GIGYF2: variants seen among roughly 807,000 people sequenced by gnomAD.
GIGYF2 encodes GRB10-interacting GYF protein 2.
In GIGYF2, 25 loss-of-function variants were observed where a neutral mutation model predicts 208.1. That is an observed-to-expected ratio of 0.12 (90% CI 0.09 to 0.17). The LOEUF is 0.17. Ranked by LOEUF, GIGYF2 falls within the 10% of genes least tolerant of loss-of-function variation. The pLI is 1.00. For missense variants in GIGYF2, 1,302 were observed against 1,579.4 expected (o/e 0.82, Z 2.98); for synonymous variants, 534 against 543.8 (o/e 0.98, Z 0.25).
At chr2:232,699,516 T>A (rs2106236880) in intron 1 of GIGYF2, among the ~76,000 whole-genome samples, 1 of 152,296 alleles carries the variant, frequency 6.6e-6, no homozygotes, top group South Asian at 2.1e-4. Flanking sequence ...ATCCGCTAAT[T>A]TGGAAAAATT....
chr2:232,723,076 C>A (rs1035126874), intron 2 of GIGYF2, among the ~76,000 whole-genome samples: 28 of 152,152 alleles, frequency 1.8e-4, no homozygotes, highest in Non-Finnish European at 1.2e-4. Context: ...CCTACCTCAG[C>A]GTCAGTGCTG....
intron 28 of GIGYF2, among the ~76,000 whole-genome samples, chr2:232,855,938 GT>G (rs11313175): frequency 0.66 from 98,401 of 148,748 alleles, 32,631 homozygotes; most frequent in Admixed American, 0.7. Flanking sequence ...TTTTTGTTTT[GT>G]TTTTTTTTTG....
chr2:232,791,038 C>G lies in GIGYF2; in HGVS notation c.961C>G (p.Gln321Glu), dbSNP rs1261337176. ...ACAGAAAGAGCCTATTCCAGAAGAGCAGGAGATGGACTTCCGGCCTGTGGA... is the reference window on the plus strand; with the variant it reads ...ACAGAAAGAGCCTATTCCAGAAGAGGAGGAGATGGACTTCCGGCCTGTGGA... ...KVQKEPIPEEQEMDFRPVDEG... is the reference protein window; with the variant it reads ...KVQKEPIPEEEEMDFRPVDEG... Residue 321 changes from glutamine (Q) to glutamate (E), a missense_variant, in exon 11 of 29, where the codon CAG becomes GAG. Gln to Glu is a conservative substitution (Grantham distance 29). Transcript: ENST00000373563. 1 of 1,613,872 alleles carries G rather than the reference C, an allele frequency of 6.2e-7. No homozygotes were observed. The highest frequency in any genetic ancestry group is 1.7e-5 in the Admixed American group (1 of 59,986).
Position 232,838,821 on chromosome 2 carries a change from C to G in GIGYF2, c.2767-1028C>G, listed in dbSNP as rs1419036290. Reference sequence around the variant, plus strand: ...TTAACTTCCCTCTGCACCCCTCCCCCACCCCAGGGCAGGTGCATTTTGAGA... The same window carrying G: ...TTAACTTCCCTCTGCACCCCTCCCCGACCCCAGGGCAGGTGCATTTTGAGA... On this transcript the variant is annotated intron_variant, in intron 22 of 28. Transcript: ENST00000373563. Among the ~76,000 whole-genome samples, 5 of 152,088 alleles carry G rather than the reference C, an allele frequency of 3.3e-5. No individual in the cohort carries two copies. The East Asian group carries it at 5.8e-4, about 18-fold the overall frequency.
At chr2:232,849,872 C>T (rs1470384524) in intron 27 of GIGYF2, among the ~76,000 whole-genome samples, 1 of 152,136 alleles carries the variant, frequency 6.6e-6, no homozygotes, top group East Asian at 1.9e-4. Flanking sequence ...GTCCTGGGGC[C>T]CAGGGAACAA....
chr2:232,844,631 A>G, intron 25 of GIGYF2, 57 bp downstream of exon 25: 1 of 1,156,196 alleles, frequency 8.6e-7, no homozygotes, highest in Non-Finnish European at 1.3e-6. Context: ...GTGGGGATGG[A>G]GGAAGTGGGA....
At chr2:232,819,129 C>T (rs966015591) in intron 20 of GIGYF2, among the ~76,000 whole-genome samples, 2 of 151,838 alleles carry the variant, frequency 1.3e-5, no homozygotes, top group East Asian at 1.9e-4. Flanking sequence ...ACTTTTTGGC[C>T]CCAAGAGGTG....
chr2:232,768,276 C>G, intron 8 of GIGYF2: 1 of 1,614,092 alleles, frequency 6.2e-7, no homozygotes, highest in African/African-American at 1.3e-5. Flanking sequence ...CCTGTTTGGG[C>G]TTTTAGAAAC....
At chr2:232,798,433 G>A (rs1296850772) in intron 14 of GIGYF2, among the ~76,000 whole-genome samples, 2 of 152,194 alleles carry the variant, frequency 1.3e-5, no homozygotes, top group Non-Finnish European at 2.9e-5. Flanking sequence ...GCCCAGGAGT[G>A]CATTTGCTGA....
At chr2:232,727,049 C>G (rs137875768) in intron 2 of GIGYF2, among the ~76,000 whole-genome samples, 1 of 152,308 alleles carries the variant, frequency 6.6e-6, no homozygotes, top group East Asian at 1.9e-4. Context: ...ACTGTAGCCT[C>G]TGCCTCCAGG....
chr2:232,720,583 A>ATTTTTTTTTTTTT (rs1553605416), intron 2 of GIGYF2, among the ~76,000 whole-genome samples: 1 of 144,914 alleles, frequency 6.9e-6, no homozygotes, highest in Non-Finnish European at 1.5e-5. Context: ...ATATATATAT[A>ATTTTTTTTTTTTT]TTTTTGTTTG....
At chr2:232,813,187 C>CTTTTTTTT (rs894736273) in intron 18 of GIGYF2, among the ~76,000 whole-genome samples, 1 of 123,876 alleles carries the variant, frequency 8.1e-6, no homozygotes, top group Non-Finnish European at 1.7e-5. Context: ...TCTTTGCTTT[C>CTTTTTTTT]TTTTTTTTTT....
Position 232,858,951 on chromosome 2 carries a change from C to CTG in GIGYF2, c.*2099_*2100dup, listed in dbSNP as rs1410868230. 6.3e-6 allele frequency: 1 copy of CTG among 158,206 alleles called. No homozygotes were observed. Among genetic ancestry groups the CTG allele is most frequent in the Non-Finnish European group, 1.4e-5 (1 of 72,098 alleles). The allele number at this position is 158,206 out of a possible 1,614,324, so 9.8% of individuals were successfully genotyped here. ...TTGCCCACACCTTCCCAACTAGACT[C>CTG]TGTGTGTGTATTCAGGAAAAATGAA... On this transcript the variant is annotated 3_prime_UTR_variant, in exon 29 of 29. Coordinates refer to ENST00000373563, the MANE Select transcript of GIGYF2 (RefSeq NM_001103146.3).
At chr2:232,809,111 A>ATT (rs1244352024) in intron 15 of GIGYF2, among the ~76,000 whole-genome samples, 1 of 151,954 alleles carries the variant, frequency 6.6e-6, no homozygotes, top group Non-Finnish European at 1.5e-5. Context: ...CACCCAGCTG[A>ATT]TTTTTGTATT....
chr2:232,708,569 C>G (rs1311989770), intron 2 of GIGYF2, among the ~76,000 whole-genome samples: 1 of 151,380 alleles, frequency 6.6e-6, no homozygotes, highest in Non-Finnish European at 1.5e-5. Context: ...GGTGCAGTGG[C>G]TAACGTCTGT....
Position 232,809,768 on chromosome 2 carries a change from T to C in GIGYF2, c.1855T>C (p.Leu619=). 1.9e-6 allele frequency: 3 copies of C among 1,611,324 alleles called. No homozygotes were observed. The highest frequency in any genetic ancestry group is 2.5e-6 in the Non-Finnish European group (3 of 1,177,410). The change falls in exon 16 of 29, where the codon TTA becomes CTA. Residue 619 remains leucine (L), a synonymous_variant. Transcript: ENST00000373563. ...GACCAGGCAGCAAGAACTCACAGCC[T>C]TATACCAGATGCAGCACCTGCAGTA... ...RLTRQQELTA[L]YQMQHLQYQQ... is the part of the protein sequence containing the mutation.
chr2:232,853,015 A>G (rs2106434972), intron 28 of GIGYF2, among the ~76,000 whole-genome samples: 1 of 152,342 alleles, frequency 6.6e-6, no homozygotes, highest in South Asian at 2.1e-4. Context: ...AACGTTGAAC[A>G]AAGTATTGAG....
Position 232,827,390 on chromosome 2 carries a change from G to A in GIGYF2, c.2530-5467G>A, listed in dbSNP as rs60532570. On this transcript the variant is annotated intron_variant, in intron 21 of 28. Transcript: ENST00000373563. ...ATGCTTGTGTTTGATAGAGTTCACC[G>A]TTGAGACCATCAGAGCCTAGTGTTT... Among the ~76,000 whole-genome samples, 8 of 152,198 alleles carry A rather than the reference G, an allele frequency of 5.3e-5. No homozygotes were observed. In the East Asian group the frequency reaches 7.7e-4, roughly 15 times the overall value.
At chr2:232,814,999 A>G (rs916427414) in intron 18 of GIGYF2, among the ~76,000 whole-genome samples, 4 of 152,294 alleles carry the variant, frequency 2.6e-5, no homozygotes, top group South Asian at 2.1e-4. Context: ...TTACTTCCAA[A>G]TGTGATCTTG....
Sources: gnomAD v4.1 joint callset for allele counts (sites outside exome capture counted in the v4.1 genomes callset) on GRCh38, gnomAD v4.1.1 for gene constraint, MANE v1.5 for transcripts, NCBI Gene and HGNC (gene_info 2026-07-23, HGNC 2026-07-21) for gene names.